Variants in SDK1 observed in about 807,000 individuals in gnomAD.
SDK1 encodes protein sidekick-1.
In SDK1, 157 loss-of-function variants were observed where a neutral mutation model predicts 245.5. The ratio of observed to expected loss-of-function variants is 0.64; its 90% CI spans 0.56 to 0.73. The LOEUF is 0.73. SDK1 is among the 30% of genes least tolerant of loss of function. SDK1 has a pLI of 0.00. For missense variants in SDK1, 3,583 were observed against 3,002.3 expected (o/e 1.19, Z -4.52); for synonymous variants, 1,647 against 1,278.5 (o/e 1.29, Z -6.15).
At position 4,102,766 on chromosome 7, in the gene SDK1, C is replaced by T. The variant is rs575562417; in HGVS notation, c.3325-7897C>T. Among the ~76,000 whole-genome samples the T allele has an allele frequency of 5.9e-5, 9 of 152,090 alleles. No homozygotes were observed. The South Asian group carries it at 8.3e-4, about 14-fold the overall frequency. ...CTCCTGGCCCACTGGCGCCAAACCC[C>T]GGCCAGACCTGGGAGTGGGCAAGCT... On this transcript the variant is annotated intron_variant, in intron 22 of 44. Coordinates refer to ENST00000404826, the MANE Select transcript of SDK1 (RefSeq NM_152744.4).
chr7:3,648,654 C>T (rs1319219039), intron 4 of SDK1, among the ~76,000 whole-genome samples: 1 of 152,178 alleles, frequency 6.6e-6, no homozygotes, highest in South Asian at 2.1e-4. Context: ...ACTTAATGCT[C>T]GAATGAAGTA....
chr7:3,625,174 T>TA (rs888165850), intron 2 of SDK1, among the ~76,000 whole-genome samples: 58 of 152,022 alleles, frequency 3.8e-4, no homozygotes, highest in African/African-American at 1.3e-3. Flanking sequence ...CAATTAAATA[T>TA]AAAAAAATGG....
intron 35 of SDK1, among the ~76,000 whole-genome samples, chr7:4,184,061 G>A (rs1782744134): frequency 6.6e-6 from 1 of 152,216 alleles, no homozygotes; most frequent in Non-Finnish European, 1.5e-5. Flanking sequence ...TCTAGCCTCT[G>A]CTTCTCGCAG....
chr7:3,876,384 C>T lies in SDK1; in HGVS notation c.847+54801C>T, dbSNP rs897700271. On this transcript the variant is annotated intron_variant, in intron 5 of 44. Transcript: ENST00000404826. ...AGGTCCTGTTTTGAGGACCTTCTAC[C>T]ATGGGATGTGGAAAGAATCATCACA... 2.6e-5 allele frequency among the ~76,000 whole-genome samples: 4 copies of T among 152,140 alleles called. 1 individual carries two copies. Among genetic ancestry groups the T allele is most frequent in the Admixed American group, 2.6e-4 (4 of 15,274 alleles).
intron 5 of SDK1, among the ~76,000 whole-genome samples, chr7:3,943,742 T>G (rs918122205): frequency 6.6e-6 from 1 of 152,114 alleles, no homozygotes; most frequent in Non-Finnish European, 1.5e-5. Flanking sequence ...AGACTTGATA[T>G]TCTTTAAATG....
intron 5 of SDK1, among the ~76,000 whole-genome samples, chr7:3,922,268 G>A (rs2128113561): frequency 6.6e-6 from 1 of 152,316 alleles, no homozygotes; most frequent in East Asian, 1.9e-4. Flanking sequence ...TGGGGGCTGG[G>A]AGCAGGATTC....
chr7:3,664,894 T>A (rs745948752), intron 4 of SDK1, among the ~76,000 whole-genome samples: 2 of 152,104 alleles, frequency 1.3e-5, no homozygotes, highest in African/African-American at 4.8e-5. Context: ...TACTTTCATA[T>A]CTTATTTGAA....
intron 1 of SDK1, among the ~76,000 whole-genome samples, chr7:3,559,201 A>T (rs1028454699): frequency 2.0e-5 from 3 of 152,166 alleles, no homozygotes; most frequent in Non-Finnish European, 2.9e-5. Context: ...AAAATTCCAA[A>T]CAGAATAATG....
At chr7:3,591,125 C>A (rs1377649180) in intron 1 of SDK1, among the ~76,000 whole-genome samples, 2 of 152,118 alleles carry the variant, frequency 1.3e-5, no homozygotes, top group Non-Finnish European at 2.9e-5. Flanking sequence ...AACATTTTAA[C>A]TTTAAGGTTG....
intron 28 of SDK1, among the ~76,000 whole-genome samples, chr7:4,143,041 C>T (rs1178288466): frequency 6.6e-6 from 1 of 152,172 alleles, no homozygotes; most frequent in Non-Finnish European, 1.5e-5. Context: ...CCCAGGGAGT[C>T]CTGTTCTGAG....
chr7:3,567,246 C>G (rs966734513), intron 1 of SDK1, among the ~76,000 whole-genome samples: 1 of 152,170 alleles, frequency 6.6e-6, no homozygotes, highest in Non-Finnish European at 1.5e-5. Context: ...TTTGCAACCT[C>G]GACAGGTATT....
chr7:3,347,905 T>C lies in SDK1; in HGVS notation c.298+46021T>C, dbSNP rs544598210. 5.0e-4 allele frequency among the ~76,000 whole-genome samples: 73 copies of C among 144,884 alleles called. No individual in the cohort carries two copies. In the East Asian group the frequency reaches 7.9e-3, roughly 16 times the overall value. ...CACATTAAATATGTTTTTTTTTTTT[T>C]CCTTTTGTGTAGTAAGTCTCTGAAA... On this transcript the variant is annotated intron_variant, in intron 1 of 44. Transcript: ENST00000404826.
intron 4 of SDK1, among the ~76,000 whole-genome samples, chr7:3,710,338 T>G (rs529244403): frequency 1.3e-5 from 2 of 152,356 alleles, no homozygotes; most frequent in African/African-American, 4.8e-5. Flanking sequence ...GAACACACAC[T>G]TAGTAACTTT....
rs1783284026 is a variant in SDK1, at chr7:4,110,689, G to A, written c.3351G>A (p.Glu1117=). 6.2e-7 allele frequency: 1 copy of A among 1,613,920 alleles called. No homozygotes were observed. The highest frequency in any genetic ancestry group is 1.1e-5 in the South Asian group (1 of 91,076). ...TGGGAGCTATCGGCGACGAGGAGGA[G>A]TGGGTCACCCTCTATGAAGAGGAGA... ...GQVGAIGDEE[E]WVTLYEEENE... Residue 1117 remains glutamate (E), a synonymous_variant, in exon 23 of 45, where the codon GAG becomes GAA. Coordinates refer to ENST00000404826, the MANE Select transcript of SDK1 (RefSeq NM_152744.4).
intron 22 of SDK1, among the ~76,000 whole-genome samples, chr7:4,087,887 C>T (rs1402475635): frequency 1.6e-4 from 25 of 152,176 alleles, no homozygotes; most frequent in Admixed American, 1.4e-3. Context: ...GATTAACTCA[C>T]GTATGGCTAT....
intron 17 of SDK1, among the ~76,000 whole-genome samples, chr7:4,017,935 C>T (rs1345854209): frequency 1.3e-5 from 2 of 152,118 alleles, no homozygotes; most frequent in Non-Finnish European, 2.9e-5. Context: ...TGGTGAGATC[C>T]GGGTGCGGCG....
At chr7:3,448,083 A>T (rs1356838366) in intron 1 of SDK1, among the ~76,000 whole-genome samples, 1 of 152,134 alleles carries the variant, frequency 6.6e-6, no homozygotes, top group Non-Finnish European at 1.5e-5. Context: ...AGTTCAAGGG[A>T]TATGTATACT....
intron 1 of SDK1, among the ~76,000 whole-genome samples, chr7:3,511,609 T>C (rs1296413532): frequency 6.6e-6 from 1 of 152,140 alleles, no homozygotes; most frequent in Non-Finnish European, 1.5e-5. Flanking sequence ...TTTCTAACCC[T>C]CTAGTTCAGT....
At chr7:3,710,247 G>A (rs1029384905) in intron 4 of SDK1, among the ~76,000 whole-genome samples, 1 of 152,154 alleles carries the variant, frequency 6.6e-6, no homozygotes, top group Non-Finnish European at 1.5e-5. Context: ...TTTCTTGCCT[G>A]TATTTGTTAT....
Sources: gnomAD v4.1 joint callset for allele counts (sites outside exome capture counted in the v4.1 genomes callset) on GRCh38, gnomAD v4.1.1 for gene constraint, MANE v1.5 for transcripts, NCBI Gene and HGNC (gene_info 2026-07-23, HGNC 2026-07-21) for gene names.